GRM5: variants seen among roughly 807,000 people sequenced by gnomAD.
The protein encoded by GRM5 is metabotropic glutamate receptor 5.
In GRM5, 19 loss-of-function variants were observed where a neutral mutation model predicts 83.1. The ratio of observed to expected loss-of-function variants is 0.23; its 90% CI spans 0.16 to 0.34. The LOEUF (loss-of-function observed/expected upper bound fraction) is 0.34. Among genes scored for constraint, GRM5 ranks in the 10% least tolerant of loss-of-function variants. The pLI is 1.00. For missense variants in GRM5, 1,160 were observed against 1,588.3 expected, an observed-to-expected ratio of 0.73 and a Z score of 4.58; for synonymous variants, 675 against 633.6, an observed-to-expected ratio of 1.07 and a Z score of -0.98.
chr11:88,873,475 T>C (rs1284308356), intron 2 of GRM5, among the ~76,000 whole-genome samples: 1 of 151,656 alleles, frequency 6.6e-6, no homozygotes, highest in African/African-American at 2.4e-5. Flanking sequence ...AAAAATACTC[T>C]TATCACATTT....
chr11:88,783,851 G>A (rs941343867), intron 3 of GRM5, among the ~76,000 whole-genome samples: 2 of 151,958 alleles, frequency 1.3e-5, no homozygotes, highest in Non-Finnish European at 2.9e-5. Context: ...GATTATATAG[G>A]TTAGTACCTG....
At chr11:88,786,725 T>G (rs1943075528) in intron 3 of GRM5, among the ~76,000 whole-genome samples, 1 of 152,082 alleles carries the variant, frequency 6.6e-6, no homozygotes. Flanking sequence ...CAGACACTTT[T>G]TTGATGCCCC....
intron 9 of GRM5, among the ~76,000 whole-genome samples, chr11:88,519,721 C>T (rs1941625864): frequency 6.6e-6 from 1 of 151,982 alleles, no homozygotes; most frequent in African/African-American, 2.4e-5. Flanking sequence ...GATTTTTGAG[C>T]AAACAACCAT....
intron 3 of GRM5, among the ~76,000 whole-genome samples, chr11:88,735,249 A>G (rs1214726957): frequency 6.6e-6 from 1 of 152,088 alleles, no homozygotes; most frequent in Non-Finnish European, 1.5e-5. Context: ...TTACTTTAAC[A>G]GTGATATGAA....
intron 1 of GRM5, among the ~76,000 whole-genome samples, chr11:89,065,414 T>A (rs1339004127): frequency 6.6e-6 from 1 of 151,360 alleles, no homozygotes; most frequent in African/African-American, 2.4e-5. Flanking sequence ...TTTTTTTTAG[T>A]TCGTTTTCTA....
intron 8 of GRM5, among the ~76,000 whole-genome samples, chr11:88,538,201 T>G (rs932916462): frequency 2.6e-5 from 4 of 152,258 alleles, no homozygotes; most frequent in African/African-American, 9.6e-5. Context: ...AATTTTGTAT[T>G]GAGTAAAGCC....
chr11:88,885,672 T>G (rs1945033061), intron 2 of GRM5, among the ~76,000 whole-genome samples: 1 of 150,950 alleles, frequency 6.6e-6, no homozygotes, highest in Non-Finnish European at 1.5e-5. Flanking sequence ...GCAGTTCTCA[T>G]AAAAAAAAAT....
intron 4 of GRM5, among the ~76,000 whole-genome samples, chr11:88,628,577 G>A (rs1336696221): frequency 6.6e-6 from 1 of 152,130 alleles, no homozygotes; most frequent in Admixed American, 6.5e-5. Flanking sequence ...GAATTGGCAG[G>A]GTCAGTGGGA....
At chr11:89,000,724 G>T (rs567099799) in intron 2 of GRM5, among the ~76,000 whole-genome samples, 3 of 151,964 alleles carry the variant, frequency 2.0e-5, no homozygotes, top group East Asian at 1.9e-4. Context: ...ATTAAAAACT[G>T]CTCTGTACAA....
At chr11:88,731,593 T>C (rs561780614) in intron 3 of GRM5, among the ~76,000 whole-genome samples, 13 of 152,186 alleles carry the variant, frequency 8.5e-5, no homozygotes, top group African/African-American at 3.1e-4. Flanking sequence ...CCTATCACTC[T>C]TGAGACTAGG....
chr11:88,720,302 T>A (rs1250815390), intron 3 of GRM5, among the ~76,000 whole-genome samples: 2 of 75,146 alleles, frequency 2.7e-5, no homozygotes, highest in South Asian at 8.1e-4. Flanking sequence ...GGAAAAAGCT[T>A]TGAGGGGAAA....
At chr11:89,055,194 T>G (rs1373787081) in intron 1 of GRM5, among the ~76,000 whole-genome samples, 1 of 152,206 alleles carries the variant, frequency 6.6e-6, no homozygotes, top group Middle Eastern at 3.2e-3. Context: ...AGCATGGGCT[T>G]GGAGTCCAAT....
chr11:88,918,640 T>G (rs1373823921), intron 2 of GRM5, among the ~76,000 whole-genome samples: 1 of 151,986 alleles, frequency 6.6e-6, no homozygotes, highest in Non-Finnish European at 1.5e-5. Context: ...ATATCTTGAG[T>G]AGGAAGACTA....
intron 3 of GRM5, among the ~76,000 whole-genome samples, chr11:88,756,598 G>C (rs1942398056): frequency 6.6e-6 from 1 of 151,972 alleles, no homozygotes; most frequent in African/African-American, 2.4e-5. Flanking sequence ...AAATTATATA[G>C]CAACTATGTT....
intron 8 of GRM5, among the ~76,000 whole-genome samples, chr11:88,553,027 C>CT (rs913677668): frequency 3.3e-5 from 5 of 152,074 alleles, no homozygotes; most frequent in Non-Finnish European, 5.9e-5. Context: ...GCTAACATGT[C>CT]TTTTTTTGTT....
At chr11:88,522,266 CT>C (rs1238943714) in intron 9 of GRM5, among the ~76,000 whole-genome samples, 1 of 152,154 alleles carries the variant, frequency 6.6e-6, no homozygotes, top group Non-Finnish European at 1.5e-5. Flanking sequence ...TAGAGTTAAC[CT>C]TTCTTCAGCC....
In GRM5 at chr11:88,865,624, A is replaced by G. The variant is rs142281422; in HGVS notation, c.662-15469T>C. Among the ~76,000 whole-genome samples, 682 of 152,236 alleles carry G rather than the reference A, an allele frequency of 4.5e-3. 5 individuals carry two copies. The highest frequency in any genetic ancestry group is 0.016 in the African/African-American group (653 of 41,542). On this transcript the variant is annotated intron_variant, in intron 2 of 9. Coordinates refer to ENST00000305447, the MANE Select transcript of GRM5 (RefSeq NM_001143831.3). The stretch of plus-strand genomic sequence containing the variant: ...AAATTAGCATCAGAGTGAAAAGGCA[A>G]CCTACAGAATGGGAGAAAAGTTTTG...
At chr11:89,053,439 A>C (rs1012151747) in intron 1 of GRM5, among the ~76,000 whole-genome samples, 8 of 152,222 alleles carry the variant, frequency 5.3e-5, no homozygotes, top group Admixed American at 5.2e-4. Context: ...TACAAGAAAT[A>C]CATAGAGTAT....
At chr11:88,943,743 C>T (rs1938188765) in intron 2 of GRM5, among the ~76,000 whole-genome samples, 1 of 151,966 alleles carries the variant, frequency 6.6e-6, no homozygotes, top group Admixed American at 6.6e-5. Context: ...TTTACCTCAA[C>T]ATATAGGTTT....
Sources: gnomAD v4.1 joint callset for allele counts (sites outside exome capture counted in the v4.1 genomes callset) on GRCh38, gnomAD v4.1.1 for gene constraint, MANE v1.5 for transcripts, NCBI Gene and HGNC (gene_info 2026-07-23, HGNC 2026-07-21) for gene names.